The following STK32C variants were observed in gnomAD, a reference collection of about 807,000 sequenced individuals.
The protein encoded by STK32C is serine/threonine-protein kinase 32C.
Under a neutral mutation model 56.5 loss-of-function variants are expected in STK32C, and 31 were observed. The observed-to-expected ratio is 0.55, with a 90% CI of 0.41 to 0.74. The LOEUF (loss-of-function observed/expected upper bound fraction) is 0.74. Among genes scored for constraint, STK32C ranks in the 30% least tolerant of loss-of-function variants. STK32C has a pLI of 0.00. For synonymous variants in STK32C, 309 were observed against 289.4 expected (o/e 1.07, Z -0.69); for missense variants, 544 against 676.9 (o/e 0.80, Z 2.18).
At position 132,208,503 on chromosome 10, in the gene STK32C, G is replaced by T. The variant is rs555698143; in HGVS notation, c.1320-352C>A. On this transcript the variant is annotated intron_variant, in intron 11 of 11. Coordinates refer to ENST00000298630, the MANE Select transcript of STK32C (RefSeq NM_173575.4). ...TGCCAGTCAGTGCCCTCAGCCGTCT[G>T]CACGTGCTGCCCTGCACGTCCTGTC... Among the ~76,000 whole-genome samples, 4 of 152,344 alleles carry T rather than the reference G, an allele frequency of 2.6e-5. No homozygotes were observed. In the South Asian group the frequency reaches 8.3e-4, roughly 32 times the overall value.
chr10:132,296,258 A>G (rs2065743693), intron 1 of STK32C, among the ~76,000 whole-genome samples: 1 of 151,870 alleles, frequency 6.6e-6, no homozygotes, highest in Non-Finnish European at 1.5e-5. Flanking sequence ...AAACGGTCAC[A>G]GCACGGAGTA....
chr10:132,211,254 C>T (rs1177137282), intron 10 of STK32C, among the ~76,000 whole-genome samples: 1 of 152,174 alleles, frequency 6.6e-6, no homozygotes, highest in Non-Finnish European at 1.5e-5. Context: ...TGACCTAAGG[C>T]TCAGACTACT....
intron 1 of STK32C, among the ~76,000 whole-genome samples, chr10:132,269,655 AC>A (rs1158875708): frequency 6.6e-6 from 1 of 152,198 alleles, no homozygotes; most frequent in African/African-American, 2.4e-5. Context: ...TATGAGACAG[AC>A]CCCAGGCTGT....
In STK32C at chr10:132,325,508, G is replaced by A. The variant is rs562542109; in HGVS notation, c.302-1135C>T. 3.1e-3 allele frequency among the ~76,000 whole-genome samples: 469 copies of A among 150,316 alleles called. 1 individual carries two copies. Among genetic ancestry groups the A allele is most frequent in the African/African-American group, 6.0e-3 (247 of 40,988 alleles). ...GCGGAGCTTCCAGTGAGCCGAGATCGCACCACTGCACTCCAGCCTGGGTGA... is the reference window on the plus strand; with the variant it reads ...GCGGAGCTTCCAGTGAGCCGAGATCACACCACTGCACTCCAGCCTGGGTGA... On this transcript the variant is annotated intron_variant, in intron 1 of 1. Transcript: ENST00000368619.
At chr10:132,321,816 C>T (rs1460336259), downstream of STK32C, among the ~76,000 whole-genome samples, 1 of 152,170 alleles carries the variant, frequency 6.6e-6, no homozygotes, top group African/African-American at 2.4e-5. Flanking sequence ...TTCAGTGTGA[C>T]GTATTTGTGC....
chr10:132,311,142 A>G (rs117663270), upstream of STK32C, among the ~76,000 whole-genome samples: 400 of 152,220 alleles, frequency 2.6e-3, 1 homozygote, highest in Non-Finnish European at 4.2e-3. This position sits in a 1 kb window ranked among gnomAD's most constrained non-coding sequence, Gnocchi z 4.4. Context: ...GTTGCCACAT[A>G]ATTGGCACAC....
chr10:132,232,512 C>T (rs1446779878), intron 2 of STK32C, among the ~76,000 whole-genome samples: 1 of 152,124 alleles, frequency 6.6e-6, no homozygotes, highest in African/African-American at 2.4e-5. Flanking sequence ...AAACCGGCGG[C>T]CTTTTATGAC....
intron 1 of STK32C, among the ~76,000 whole-genome samples, chr10:132,314,338 G>A (rs1564800365): frequency 6.6e-6 from 1 of 152,230 alleles, no homozygotes. Flanking sequence ...GCTCAGGTTT[G>A]ACTGTGACAG....
rs1554887099 is a variant in STK32C, at chr10:132,330,693, T to TA, written c.301+742dup. ...CAGCATTTTTTTTTTTTTTTTTTTT[T>TA]AATTTTTGTAGAGACTGGGTTGCCC... On this transcript the variant is annotated intron_variant, in intron 1 of 1. Transcript: ENST00000368619. Among the ~76,000 whole-genome samples, 41 of 144,558 alleles carry TA rather than the reference T, an allele frequency of 2.8e-4. 1 individual carries two copies. In the South Asian group the frequency reaches 7.5e-3, roughly 26 times the overall value. 94.8% of individuals were successfully genotyped at this position (144,558 alleles called of 152,430 possible).
intron 1 of STK32C, among the ~76,000 whole-genome samples, chr10:132,300,430 G>T (rs2492645): frequency 0.58 from 88,569 of 151,988 alleles, 28,494 homozygotes; most frequent in African/African-American, 0.87. Context: ...GATGGAATCT[G>T]GGGGGGACAA....
At chr10:132,210,850 T>C (rs2062273272) in intron 10 of STK32C, among the ~76,000 whole-genome samples, 1 of 151,968 alleles carries the variant, frequency 6.6e-6, no homozygotes, top group African/African-American at 2.4e-5. Context: ...GGTGTGAGGG[T>C]TTCACCCTGG....
At chr10:132,264,761 A>G (rs1288596150) in intron 1 of STK32C, among the ~76,000 whole-genome samples, 1 of 152,108 alleles carries the variant, frequency 6.6e-6, no homozygotes, top group Non-Finnish European at 1.5e-5. Flanking sequence ...CCTAGCAGAC[A>G]GCACAGTCTT....
At chr10:132,287,726 T>C (rs2065450795) in intron 1 of STK32C, among the ~76,000 whole-genome samples, 1 of 151,998 alleles carries the variant, frequency 6.6e-6, no homozygotes, top group Non-Finnish European at 1.5e-5. Context: ...GTACTGGGAT[T>C]ACAGGCATGA....
Position 132,225,804 on chromosome 10 carries a change from G to A in STK32C, c.645-20C>T. 1 of 1,613,664 alleles carries A rather than the reference G, an allele frequency of 6.2e-7. No individual in the cohort carries two copies. The highest frequency in any genetic ancestry group is 8.5e-7 in the Non-Finnish European group (1 of 1,179,984). On this transcript the variant is annotated intron_variant, in intron 4 of 11. Transcript: ENST00000298630. ...ACATCTCTAGAAAGAGCAGAAAGTG[G>A]GAAGGTGAGTTGGGAATCTGCCCTG...
rs781531076 is a variant in STK32C at position 132,228,050 on chromosome 10, C to T, written c.397G>A (p.Asp133Asn). The change falls in exon 3 of 12, where the codon GAC (aspartate) becomes AAC (asparagine). Residue 133 changes from aspartate to asparagine, a missense_variant. Asp to Asn is a conservative substitution (Grantham distance 23, BLOSUM62 1). This residue lies in a region of STK32C where 182 missense variants were observed against 217.7 expected (regional missense o/e 0.84). Transcript: ENST00000298630. ...TCCCGGAAGACGTTGCGGACCTCGT[C>T]GCGCTCGATGCACTGCTGCTTGTTC... ...YMNKQQCIERDEVRNVFRELE... is the reference protein window; with the variant it reads ...YMNKQQCIERNEVRNVFRELE... 1.6e-5 allele frequency: 26 copies of T among 1,613,868 alleles called. No individual in the cohort carries two copies. Among genetic ancestry groups the T allele is most frequent in the Middle Eastern group, 3.3e-4 (2 of 6,084 alleles).
intron 1 of STK32C, among the ~76,000 whole-genome samples, chr10:132,329,030 A>C (rs1446615349): frequency 6.6e-6 from 1 of 152,272 alleles, no homozygotes; most frequent in Non-Finnish European, 1.5e-5. Flanking sequence ...GACTCCAAGA[A>C]GACAGATAAC....
chr10:132,250,910 G>A (rs2063881867), intron 1 of STK32C, among the ~76,000 whole-genome samples: 1 of 152,220 alleles, frequency 6.6e-6, no homozygotes, highest in Non-Finnish European at 1.5e-5. Flanking sequence ...TGGGCTCCAT[G>A]CAGGCCACCT....
chr10:132,311,490 C>T (rs932490148), upstream of STK32C, among the ~76,000 whole-genome samples: 5 of 152,240 alleles, frequency 3.3e-5, no homozygotes, highest in East Asian at 1.9e-4. The surrounding 1 kb of genome is among the most constrained non-coding windows in gnomAD (Gnocchi z 4.4). Flanking sequence ...TTGGAGCCCA[C>T]GTGTGGGGAC....
intron 1 of STK32C, among the ~76,000 whole-genome samples, chr10:132,269,123 G>A (rs931204529): frequency 2.6e-5 from 4 of 152,024 alleles, no homozygotes; most frequent in African/African-American, 4.8e-5. Flanking sequence ...GTGTGCCTGC[G>A]TGTGTACATG....
Sources: allele counts gnomAD v4.1 joint callset (sites outside exome capture counted in the v4.1 genomes callset), GRCh38; gene constraint gnomAD v4.1.1; regional missense constraint gnomAD v4.1.1; non-coding constraint Gnocchi (gnomAD v3.1); transcripts MANE v1.5; gene names NCBI Gene and HGNC (gene_info 2026-07-23, HGNC 2026-07-21).